The following MACROD2 variants were observed in gnomAD, a reference collection of about 807,000 sequenced individuals.
The protein encoded by MACROD2 is mono-ADP ribosylhydrolase 2, also known as ADP-ribose glycohydrolase MACROD2.
Under a neutral mutation model 70.4 loss-of-function variants are expected in MACROD2, and 36 were observed. The observed-to-expected ratio is 0.51, with a 90% CI of 0.39 to 0.68. The LOEUF (loss-of-function observed/expected upper bound fraction) is 0.68, where lower values mean the gene tolerates loss of function less well. Among genes scored for constraint, MACROD2 ranks in the 30% least tolerant of loss-of-function variants. The pLI is 0.00. For missense variants in MACROD2, 496 were observed against 538.4 expected, an observed-to-expected ratio of 0.92 and a Z score of 0.78; for synonymous variants, 172 against 178.8, an observed-to-expected ratio of 0.96 and a Z score of 0.30.
intron 6 of MACROD2, among the ~76,000 whole-genome samples, chr20:15,348,683 G>A (rs1274681520): frequency 6.6e-6 from 1 of 152,162 alleles, no homozygotes; most frequent in Non-Finnish European, 1.5e-5. Context: ...AAGCAAGAGA[G>A]AGCTTGTGCA....
chr20:15,678,080 T>G (rs1267829589), intron 8 of MACROD2, among the ~76,000 whole-genome samples: 1 of 151,702 alleles, frequency 6.6e-6, no homozygotes, highest in Non-Finnish European at 1.5e-5. Flanking sequence ...AAAATGTATT[T>G]CAAGTTACTG....
At chr20:14,237,079 A>G (rs1310787809) in intron 3 of MACROD2, among the ~76,000 whole-genome samples, 2 of 152,126 alleles carry the variant, frequency 1.3e-5, no homozygotes, top group Non-Finnish European at 2.9e-5. Flanking sequence ...GTCTTCTTCA[A>G]TAATTAGAAG....
intron 5 of MACROD2, among the ~76,000 whole-genome samples, chr20:14,956,460 T>G (rs1368805427): frequency 6.6e-6 from 1 of 152,190 alleles, no homozygotes; most frequent in Non-Finnish European, 1.5e-5. Flanking sequence ...AATTTTTGTT[T>G]TCCTTAGAAT....
intron 3 of MACROD2, among the ~76,000 whole-genome samples, chr20:14,482,618 A>G (rs1256874388): frequency 6.6e-6 from 1 of 152,188 alleles, no homozygotes; most frequent in Admixed American, 6.5e-5. Flanking sequence ...AACAAACTGG[A>G]AGAAGAATAT....
intron 4 of MACROD2, among the ~76,000 whole-genome samples, chr20:14,589,838 A>G (rs981769045): frequency 4.6e-5 from 7 of 152,204 alleles, no homozygotes; most frequent in South Asian, 2.1e-4. Flanking sequence ...ACTAAATGCT[A>G]CATACTGCTG....
chr20:14,434,034 A>G (rs771954535), intron 3 of MACROD2, among the ~76,000 whole-genome samples: 2 of 152,274 alleles, frequency 1.3e-5, no homozygotes, highest in African/African-American at 2.4e-5. Flanking sequence ...CTAAATATTT[A>G]AAGTGTCATG....
chr20:14,994,124 A>G (rs1252103855), intron 5 of MACROD2, among the ~76,000 whole-genome samples: 2 of 152,172 alleles, frequency 1.3e-5, no homozygotes, highest in Non-Finnish European at 2.9e-5. Context: ...ACATGCATGC[A>G]TATGTGTGTA....
At position 14,004,728 on chromosome 20, in the gene MACROD2, C is replaced by T. The variant is rs537326138; in HGVS notation, c.163+2324C>T. Among the ~76,000 whole-genome samples, 676 of 151,938 alleles carry T rather than the reference C, an allele frequency of 4.4e-3. 4 individuals carry two copies. The highest frequency in any genetic ancestry group is 0.015 in the African/African-American group (640 of 41,444). Reference sequence around the variant, plus strand: ...ACTATACATATGGTTATATTTGAAACGTTTTAAGTCATTGCTTATACATGT... The same window carrying T: ...ACTATACATATGGTTATATTTGAAATGTTTTAAGTCATTGCTTATACATGT... On this transcript the variant is annotated intron_variant, in intron 2 of 17. Transcript: ENST00000684519.
chr20:15,954,516 A>G (rs973958656), intron 12 of MACROD2, among the ~76,000 whole-genome samples: 15 of 152,092 alleles, frequency 9.9e-5, no homozygotes, highest in Non-Finnish European at 1.9e-4. Flanking sequence ...TCCCACTACT[A>G]TAATTTAGGT....
chr20:15,282,674 T>C (rs2077456097), intron 6 of MACROD2, among the ~76,000 whole-genome samples: 1 of 152,182 alleles, frequency 6.6e-6, no homozygotes, highest in East Asian at 1.9e-4. Context: ...CACTATCAAC[T>C]TTTTGGTCAA....
At chr20:14,233,726 A>T (rs1349501980) in intron 3 of MACROD2, among the ~76,000 whole-genome samples, 4 of 151,098 alleles carry the variant, frequency 2.6e-5, no homozygotes, top group African/African-American at 9.7e-5. Flanking sequence ...AAAGAAAAGA[A>T]AAGAAATGAA....
rs1202407663 is a variant in MACROD2, at chr20:15,817,802, G to T, written c.646-44943G>T. ...AAGGTTTTAAATTGCAATTTTAATT[G>T]GGTTCTTTCCTCCCTAATTAGTTTC... On this transcript the variant is annotated intron_variant, in intron 8 of 17. Coordinates refer to ENST00000684519, the MANE Select transcript of MACROD2 (RefSeq NM_001351661.2). Among the ~76,000 whole-genome samples, 35 of 152,080 alleles carry T rather than the reference G, an allele frequency of 2.3e-4. 1 individual carries two copies. Among genetic ancestry groups the T allele is most frequent in the Admixed American group, 2.3e-3 (35 of 15,254 alleles).
intron 5 of MACROD2, among the ~76,000 whole-genome samples, chr20:15,024,074 T>C (rs1260532535): frequency 6.6e-6 from 1 of 152,182 alleles, no homozygotes; most frequent in Non-Finnish European, 1.5e-5. Context: ...CTGGACCTCA[T>C]AAGTCCTCAA....
intron 3 of MACROD2, among the ~76,000 whole-genome samples, chr20:14,461,440 G>C (rs2084370143): frequency 6.7e-6 from 1 of 150,134 alleles, no homozygotes; most frequent in South Asian, 2.1e-4. Flanking sequence ...GTTCTGCTCT[G>C]TTCTTAGTTA....
chr20:15,768,182 G>A (rs1480856950), intron 8 of MACROD2, among the ~76,000 whole-genome samples: 2 of 151,872 alleles, frequency 1.3e-5, no homozygotes, highest in African/African-American at 4.8e-5. Context: ...CTTAACAATG[G>A]GGAAATGTTC....
rs1600560483 is a variant in MACROD2 at position 14,702,548 on chromosome 20, T to TA, written c.418+17589_418+17590insA. On this transcript the variant is annotated intron_variant, in intron 5 of 17. Coordinates refer to ENST00000684519, the MANE Select transcript of MACROD2 (RefSeq NM_001351661.2). ...TTTCACTAAACATTACATATGTGTG[T>TA]GTGTGTATATATATATACACATATA... Among the ~76,000 whole-genome samples, 16 of 139,964 alleles carry TA rather than the reference T, an allele frequency of 1.1e-4. No individual in the cohort carries two copies. In the East Asian group the frequency reaches 3.2e-3, roughly 28 times the overall value. The allele number at this position is 139,964 out of a possible 152,430, so 91.8% of individuals were successfully genotyped here.
rs879382038 is a variant in MACROD2, at chr20:14,660,886, C to CT, written c.302-23949dup. On this transcript the variant is annotated intron_variant, in intron 4 of 17. Transcript: ENST00000684519. ...TTGCTGCAAAGGACATGATTTTGTTCTTTTTTTTAATGGCTGTGTAGTATT... is the reference window on the plus strand; with the variant it reads ...TTGCTGCAAAGGACATGATTTTGTTCTTTTTTTTTAATGGCTGTGTAGTATT... Among the ~76,000 whole-genome samples the CT allele has an allele frequency of 1.5e-4, 22 of 151,720 alleles. 1 individual carries two copies. Among genetic ancestry groups the CT allele is most frequent in the South Asian group, 4.2e-4 (2 of 4,814 alleles).
intron 17 of MACROD2, 78 bp from the exon 18 acceptor site, chr20:16,049,752 T>C: frequency 6.9e-7 from 1 of 1,441,340 alleles, no homozygotes; most frequent in Non-Finnish European, 9.7e-7. Context: ...TAAATGGCTG[T>C]ATTAAAAATG....
intron 5 of MACROD2, among the ~76,000 whole-genome samples, chr20:15,099,769 TAGAA>T (rs573228873): frequency 1.6e-3 from 242 of 152,216 alleles, no homozygotes; most frequent in African/African-American, 5.5e-3. Context: ...GGTGAGAAAT[TAGAA>T]AGAAGATAGG....
Sources: allele counts gnomAD v4.1 joint callset (sites outside exome capture counted in the v4.1 genomes callset), GRCh38; gene constraint gnomAD v4.1.1; transcripts MANE v1.5; gene names NCBI Gene and HGNC (gene_info 2026-07-23, HGNC 2026-07-21).